DENND4C: variants seen among roughly 807,000 people sequenced by gnomAD.
The protein encoded by DENND4C is DENN domain containing 4C, also known as DENN domain-containing protein 4C.
In DENND4C, 108 loss-of-function variants were observed where a neutral mutation model predicts 203.0. That is an observed-to-expected ratio of 0.53 (90% CI 0.46 to 0.62). DENND4C has a LOEUF of 0.62. Ranked by LOEUF, DENND4C falls within the 20% of genes least tolerant of loss-of-function variation. The pLI is 0.00. For missense variants in DENND4C, 2,481 were observed against 2,301.2 expected, an observed-to-expected ratio of 1.08 and a Z score of -1.60; for synonymous variants, 871 against 792.4, an observed-to-expected ratio of 1.10 and a Z score of -1.67.
chr9:19,282,360 A>G lies in DENND4C; in HGVS notation c.306-4409A>G, dbSNP rs1395969899. The stretch of plus-strand genomic sequence containing the variant: ...AGCCTCCACCTCCTGGGCTCAGGCG[A>G]TAATCCTTTCACCTCAGCTTCCTGA... On this transcript the variant is annotated intron_variant, in intron 2 of 32. Transcript: ENST00000434457. Among the ~76,000 whole-genome samples, 5 of 150,836 alleles carry G rather than the reference A, an allele frequency of 3.3e-5. No individual in the cohort carries two copies. The East Asian group carries it at 9.9e-4, about 30-fold the overall frequency.
At position 19,361,913 on chromosome 9, in the gene DENND4C, A is replaced by G. The variant is rs373976800; in HGVS notation, c.5474A>G (p.Asn1825Ser). 43 of 1,612,538 alleles carry G rather than the reference A, an allele frequency of 2.7e-5. No homozygotes were observed. The highest frequency in any genetic ancestry group is 1.7e-4 in the Admixed American group (10 of 59,978). Residue 1825 changes from asparagine (N) to serine (S), a missense_variant, in exon 30 of 33, where the codon AAC (asparagine) becomes AGC (serine). Around this residue, in one of 3 missense-constraint regions of DENND4C, gnomAD observed 2,289 missense variants for 2,113.3 expected, o/e 1.08. Coordinates refer to ENST00000434457, the MANE Select transcript of DENND4C (RefSeq NM_001330640.2). ...ATTCAGCTGTTATGGGATAATATCA[A>G]CCTTCATCAGGAACCAAGAGAACCT... The part of the protein sequence containing the change: ...VYIQLLWDNI[N>S]LHQEPREPLY...
rs1382903465 is a variant in DENND4C, at chr9:19,372,842, CAG to C, written c.*672_*673del. 1 of 117,998 alleles carries C rather than the reference CAG, an allele frequency of 8.5e-6. No homozygotes were observed. Among genetic ancestry groups the C allele is most frequent in the Admixed American group, 1.2e-4 (1 of 8,666 alleles). The allele number at this position is 117,998 out of a possible 1,614,324, so 7.3% of individuals were successfully genotyped here. Reference sequence around the variant, plus strand: ...GCCACTGCAACTCCAGCTTGGGTGACAGAGTGAGACCGTCTCAAAAAAAAAAA... The same window carrying C: ...GCCACTGCAACTCCAGCTTGGGTGACAGTGAGACCGTCTCAAAAAAAAAAA... On this transcript the variant is annotated 3_prime_UTR_variant, in exon 33 of 33. Coordinates refer to ENST00000434457, the MANE Select transcript of DENND4C (RefSeq NM_001330640.2).
chr9:19,374,267 T>C lies in DENND4C; in HGVS notation c.*2094T>C, dbSNP rs1829312513. ...TCCCATTAAAAAAAATCTGTAAAGA[T>C]CTCTACCTTGAAAACTTTAGTCTGC... On this transcript the variant is annotated 3_prime_UTR_variant, in exon 33 of 33. Coordinates refer to ENST00000434457, the MANE Select transcript of DENND4C (RefSeq NM_001330640.2). 6.6e-6 allele frequency among the ~76,000 whole-genome samples: 1 copy of C among 152,188 alleles called. No individual in the cohort carries two copies. The highest frequency in any genetic ancestry group is 2.1e-4 in the South Asian group (1 of 4,824).
chr9:19,230,743 C>T lies in DENND4C; in HGVS notation c.-108C>T, dbSNP rs1482715124. 1 of 152,276 alleles carries T rather than the reference C, an allele frequency of 6.6e-6. No homozygotes were observed. The highest frequency in any genetic ancestry group is 2.4e-5 in the African/African-American group (1 of 41,456). 9.4% of individuals were successfully genotyped at this position (152,276 alleles called of 1,614,324 possible). A position where few individuals can be genotyped will look rare whatever the true frequency, so the allele number is the denominator to read the frequency against. On this transcript the variant is annotated 5_prime_UTR_variant, in exon 1 of 33. Transcript: ENST00000434457. ...GCTGGAGCTAGTCCCCCGCCCTGCC[C>T]TGCCGAGCGCGCCCAGTCCGCGAAT... is the stretch of plus-strand genomic sequence containing the variant.
chr9:19,350,886 G>A lies in DENND4C; in HGVS notation c.4495+7G>A, dbSNP rs2132061651. 4 of 1,603,406 alleles carry A rather than the reference G, an allele frequency of 2.5e-6. No individual in the cohort carries two copies. Among genetic ancestry groups the A allele is most frequent in the Non-Finnish European group, 3.4e-6 (4 of 1,175,128 alleles). On this transcript the variant is annotated splice_region_variant and intron_variant, in intron 24 of 32. Coordinates refer to ENST00000434457, the MANE Select transcript of DENND4C (RefSeq NM_001330640.2). The stretch of plus-strand genomic sequence containing the variant: ...AAACTGCATTATCCAACAGGTATGG[G>A]GAAGGATTATCCTTTCTTCATTTGC...
chr9:19,270,020 T>C (rs745467265), intron 1 of DENND4C, among the ~76,000 whole-genome samples: 1 of 152,242 alleles, frequency 6.6e-6, no homozygotes, highest in Non-Finnish European at 1.5e-5. Flanking sequence ...TGTAGACTTA[T>C]AGCTGTATGG....
intron 26 of DENND4C, among the ~76,000 whole-genome samples, chr9:19,354,163 CT>C (rs1309131877): frequency 6.6e-6 from 1 of 152,054 alleles, no homozygotes; most frequent in African/African-American, 2.4e-5. Context: ...TAGTTTATTC[CT>C]TTTCTTCTAC....
chr9:19,263,579 G>C (rs1176516230), intron 1 of DENND4C, among the ~76,000 whole-genome samples: 5 of 151,292 alleles, frequency 3.3e-5, no homozygotes, highest in African/African-American at 1.2e-4. Context: ...AGCTGGTCTT[G>C]AATTAGGTTT....
chr9:19,236,742 C>T (rs1822064425), intron 1 of DENND4C, among the ~76,000 whole-genome samples: 1 of 152,140 alleles, frequency 6.6e-6, no homozygotes, highest in South Asian at 2.1e-4. Context: ...TTTCCTGTGG[C>T]CCACAGGCCA....
chr9:19,253,437 C>T (rs7043344), intron 1 of DENND4C, among the ~76,000 whole-genome samples: 90,492 of 152,028 alleles, frequency 0.6, 27,403 homozygotes, highest in South Asian at 0.76. Flanking sequence ...GCCTTGTGTT[C>T]TGAAAAAGGA....
intron 10 of DENND4C, among the ~76,000 whole-genome samples, chr9:19,315,259 C>G (rs995270202): frequency 6.6e-6 from 1 of 151,112 alleles, no homozygotes; most frequent in African/African-American, 2.4e-5. Context: ...GAGACTGAAA[C>G]TATGTGTCCT....
At chr9:19,336,959 G>C in intron 20 of DENND4C, 127 bp downstream of exon 20, 1 of 902,008 alleles carries the variant, frequency 1.1e-6, no homozygotes, top group East Asian at 2.7e-5. Flanking sequence ...ATGCTTACAA[G>C]AGAAACAATA....
intron 2 of DENND4C, among the ~76,000 whole-genome samples, chr9:19,285,195 TTC>T (rs1280109925): frequency 2.0e-5 from 3 of 152,180 alleles, no homozygotes; most frequent in African/African-American, 7.2e-5. Flanking sequence ...TAGATTTTTC[TTC>T]TGTTTCATTG....
chr9:19,307,821 A>G (rs1431327448), intron 10 of DENND4C, among the ~76,000 whole-genome samples: 1 of 151,870 alleles, frequency 6.6e-6, no homozygotes, highest in East Asian at 1.9e-4. Flanking sequence ...ATCCCTAGAT[A>G]GTCCTCCACA....
intron 2 of DENND4C, among the ~76,000 whole-genome samples, chr9:19,280,205 A>G (rs890193049): frequency 1.3e-5 from 2 of 150,828 alleles, no homozygotes; most frequent in African/African-American, 4.9e-5. Context: ...GCTGGAGTGC[A>G]GTGGTGCGAT....
At chr9:19,230,903 G>A (rs1256069944) in intron 1 of DENND4C, 70 bp downstream of exon 1, 2 of 152,414 alleles carry the variant, frequency 1.3e-5, no homozygotes, top group African/African-American at 4.8e-5. Context: ...TGCGCTGCAA[G>A]GCTGGGAGGG....
At chr9:19,370,577 T>C (rs529578276) in intron 31 of DENND4C, among the ~76,000 whole-genome samples, 35 of 152,256 alleles carry the variant, frequency 2.3e-4, no homozygotes, top group Non-Finnish European at 3.8e-4. Flanking sequence ...TTTATTAACA[T>C]TGATAAACTT....
chr9:19,294,604 A>T (rs564781274), intron 5 of DENND4C, among the ~76,000 whole-genome samples: 47 of 152,336 alleles, frequency 3.1e-4, no homozygotes, highest in Middle Eastern at 3.4e-3. Context: ...TAGCAGGGTT[A>T]TTCACGATAG....
At chr9:19,316,863 TC>T (rs1165554834) in intron 12 of DENND4C, 24 bp downstream of exon 12, 5 of 1,571,974 alleles carry the variant, frequency 3.2e-6, no homozygotes, top group Non-Finnish European at 4.3e-6. Flanking sequence ...AAAGTACAAT[TC>T]CTTTTATTGA....
Sources: allele counts gnomAD v4.1 joint callset (sites outside exome capture counted in the v4.1 genomes callset), GRCh38; gene constraint gnomAD v4.1.1; regional missense constraint gnomAD v4.1.1; transcripts MANE v1.5; gene names NCBI Gene and HGNC (gene_info 2026-07-23, HGNC 2026-07-21).